Variants in MYO1H observed in about 807,000 individuals in gnomAD.
MYO1H encodes unconventional myosin-Ih.
In MYO1H, 118 loss-of-function variants were observed where a neutral mutation model predicts 149.3. That is an observed-to-expected ratio of 0.79 (90% confidence interval 0.68 to 0.92). The LOEUF is 0.92. Among genes scored for constraint, MYO1H ranks in the 40% least tolerant of loss-of-function variants. MYO1H has a pLI of 0.00. For missense variants in MYO1H, 1,212 were observed against 1,280.7 expected, an observed-to-expected ratio of 0.95 and a Z score of 0.82; for synonymous variants, 447 against 465.2, an observed-to-expected ratio of 0.96 and a Z score of 0.50.
chr12:109,381,383 A>G (rs1246997014), intron 1 of MYO1H, among the ~76,000 whole-genome samples: 3 of 152,188 alleles, frequency 2.0e-5, no homozygotes, highest in African/African-American at 7.2e-5. Flanking sequence ...ACCGCAGTCC[A>G]GGCTGGATGA....
chr12:109,315,192 A>C, the MYO1H span, among the ~76,000 whole-genome samples: 1 of 152,202 alleles, frequency 6.6e-6, no homozygotes, highest in African/African-American at 2.4e-5. Flanking sequence ...ATTTTCCATC[A>C]GGAAATTCCA....
chr12:109,360,625 T>C (rs762002887), intron 1 of MYO1H, among the ~76,000 whole-genome samples: 3 of 152,206 alleles, frequency 2.0e-5, no homozygotes, highest in Non-Finnish European at 2.9e-5. Context: ...ATGGAAAATA[T>C]TTCCTTGGTC....
intron 3 of MYO1H, among the ~76,000 whole-genome samples, chr12:109,395,871 G>A (rs575088631): frequency 1.3e-4 from 19 of 140,898 alleles, no homozygotes; most frequent in Non-Finnish European, 2.4e-4. Context: ...TCGGGTTTGG[G>A]TTTTTTTGTT....
chr12:109,396,701 A>G (rs1470070116), intron 4 of MYO1H, 119 bp downstream of exon 4: 6 of 801,238 alleles, frequency 7.5e-6, no homozygotes, highest in Admixed American at 6.1e-5. Context: ...GAGGTCACAC[A>G]GATAGTGTCA....
chr12:109,374,788 A>G (rs1426037938), intron 1 of MYO1H, among the ~76,000 whole-genome samples: 2 of 151,844 alleles, frequency 1.3e-5, no homozygotes, highest in African/African-American at 4.8e-5. Flanking sequence ...AATTTTTGTC[A>G]GTTTGGTAAG....
At chr12:109,420,592 A>AG (rs1238272813) in intron 15 of MYO1H, among the ~76,000 whole-genome samples, 1 of 152,186 alleles carries the variant, frequency 6.6e-6, no homozygotes, top group Non-Finnish European at 1.5e-5. Context: ...GAGAACAGCG[A>AG]GGGGGACATC....
the MYO1H span, among the ~76,000 whole-genome samples, chr12:109,329,114 T>C: frequency 1.3e-5 from 2 of 151,860 alleles, no homozygotes; most frequent in African/African-American, 4.8e-5. Context: ...AATTGGATGG[T>C]ATTTTCAGTT....
intron 1 of MYO1H, among the ~76,000 whole-genome samples, chr12:109,364,839 G>T (rs1208557711): frequency 6.6e-6 from 1 of 151,892 alleles, no homozygotes; most frequent in Non-Finnish European, 1.5e-5. Flanking sequence ...AGTGTGTTTG[G>T]GTTATAATTT....
At chr12:109,412,194 G>A (rs776643000) in intron 14 of MYO1H, among the ~76,000 whole-genome samples, 1 of 152,100 alleles carries the variant, frequency 6.6e-6, no homozygotes, top group Non-Finnish European at 1.5e-5. Flanking sequence ...GTCTCAGTCT[G>A]TCACCTAGGC....
intron 1 of MYO1H, among the ~76,000 whole-genome samples, chr12:109,371,065 G>T (rs1292886958): frequency 6.6e-6 from 1 of 152,134 alleles, no homozygotes; most frequent in Non-Finnish European, 1.5e-5. Context: ...AATTTAGAAA[G>T]AGCTAACAGG....
At chr12:109,434,169 T>C (rs1053032334) in intron 20 of MYO1H, among the ~76,000 whole-genome samples, 1 of 151,998 alleles carries the variant, frequency 6.6e-6, no homozygotes, top group African/African-American at 2.4e-5. Flanking sequence ...ACTACCACAA[T>C]GGGCTAATTT....
At chr12:109,403,546 A>G (rs1870253005) in intron 6 of MYO1H, among the ~76,000 whole-genome samples, 1 of 152,224 alleles carries the variant, frequency 6.6e-6, no homozygotes. Flanking sequence ...ATTTCCTTGC[A>G]GGAAAGGCTT....
chr12:109,361,893 A>C (rs1868761940), intron 1 of MYO1H, among the ~76,000 whole-genome samples: 1 of 151,932 alleles, frequency 6.6e-6, no homozygotes, highest in Admixed American at 6.6e-5. Flanking sequence ...ACTATTACAT[A>C]GAACAAGATG....
chr12:109,334,776 T>C, the MYO1H span, among the ~76,000 whole-genome samples: 1 of 152,228 alleles, frequency 6.6e-6, no homozygotes, highest in East Asian at 1.9e-4. Flanking sequence ...AAAGCTTTAT[T>C]GAGAGAGAAT....
At chr12:109,387,079 T>G (rs1869366552) in intron 1 of MYO1H, among the ~76,000 whole-genome samples, 1 of 151,462 alleles carries the variant, frequency 6.6e-6, no homozygotes, top group Non-Finnish European at 1.5e-5. Flanking sequence ...GAAATGCATT[T>G]TTACTTTCTT....
chr12:109,426,654 G>A (rs1324030811), intron 18 of MYO1H, among the ~76,000 whole-genome samples: 2 of 152,136 alleles, frequency 1.3e-5, no homozygotes, highest in Admixed American at 6.6e-5. Context: ...GGGAGTCAAC[G>A]TCACTCTTTT....
rs375026737 is a variant in MYO1H, at chr12:109,439,654, G to T, written c.2318G>T (p.Arg773Leu). The stretch of plus-strand genomic sequence containing the variant: ...AGGTTCATTAAAGGATTCATCAGTC[G>T]CAACAAACCCCTCTGTCCTGACAAC... The change falls in exon 24 of 32, where the codon CGC becomes CTC. Residue 773 changes from arginine (R) to leucine (L), a missense_variant. By Grantham distance (102) the Arg-to-Leu change is moderately radical. Transcript: ENST00000310903. The T allele has an allele frequency of 2.9e-5, 47 of 1,612,706 alleles. No individual in the cohort carries two copies. The highest frequency in any genetic ancestry group is 3.8e-5 in the Non-Finnish European group (45 of 1,179,308).
chr12:109,347,584 CT>C (rs60250689), upstream of MYO1H, among the ~76,000 whole-genome samples: 1 of 149,298 alleles, frequency 6.7e-6, no homozygotes, highest in African/African-American at 2.5e-5. Context: ...ATTTTCTTTT[CT>C]TTTTTTTTTC....
chr12:109,357,468 G>A (rs947157849), intron 1 of MYO1H, among the ~76,000 whole-genome samples: 2 of 152,182 alleles, frequency 1.3e-5, no homozygotes, highest in Admixed American at 1.3e-4. Flanking sequence ...ACATTGAACA[G>A]GGTTGGCAAA....
Sources: gnomAD v4.1 joint callset for allele counts (sites outside exome capture counted in the v4.1 genomes callset) on GRCh38, gnomAD v4.1.1 for gene constraint, MANE v1.5 for transcripts, NCBI Gene and HGNC (gene_info 2026-07-23, HGNC 2026-07-21) for gene names.